PRKN: variants seen among roughly 807,000 people sequenced by gnomAD.
PRKN encodes parkin RBR E3 ubiquitin protein ligase.
PRKN carries 56 observed loss-of-function variants against 59.5 expected under a neutral mutation model. The observed-to-expected ratio is 0.94, with a 90% CI of 0.76 to 1.18. The LOEUF (loss-of-function observed/expected upper bound fraction) is 1.18, where lower values mean the gene tolerates loss of function less well. Ranked by LOEUF, PRKN falls within the 50% of genes most tolerant of loss-of-function variation. The pLI, the probability that PRKN is intolerant of heterozygous loss-of-function variation, is 0.00. For missense variants in PRKN, 657 were observed against 596.4 expected, an observed-to-expected ratio of 1.10 and a Z score of -1.06; for synonymous variants, 250 against 222.1, an observed-to-expected ratio of 1.13 and a Z score of -1.12.
At chr6:161,777,685 T>A (rs9458370) in intron 7 of PRKN, among the ~76,000 whole-genome samples, 62 of 115,912 alleles carry the variant, frequency 5.3e-4, no homozygotes, top group Middle Eastern at 5.0e-3. Flanking sequence ...ATATATATAA[T>A]ATATATATAC....
intron 6 of PRKN, among the ~76,000 whole-genome samples, chr6:161,966,998 A>T (rs1780607530): frequency 6.6e-6 from 1 of 152,044 alleles, no homozygotes; most frequent in African/African-American, 2.4e-5. Context: ...CTCCCAGCTA[A>T]TTTTTGTATT....
chr6:162,450,334 TGTG>T (rs1790538667), intron 1 of PRKN, among the ~76,000 whole-genome samples: 2 of 95,214 alleles, frequency 2.1e-5, no homozygotes, highest in Non-Finnish European at 5.2e-5. Flanking sequence ...TAAACGCCCC[TGTG>T]ATTGTAATCC....
At chr6:162,629,596 A>T (rs1193753927) in intron 1 of PRKN, among the ~76,000 whole-genome samples, 1 of 152,200 alleles carries the variant, frequency 6.6e-6, no homozygotes, top group African/African-American at 2.4e-5. Flanking sequence ...CAAAATATTG[A>T]ATAATTTTCT....
intron 2 of PRKN, among the ~76,000 whole-genome samples, chr6:162,387,700 A>G (rs1051385428): frequency 6.6e-6 from 1 of 152,184 alleles, no homozygotes. Context: ...AGTGGAATCA[A>G]CAGAGCATTT....
chr6:162,011,387 TAATA>T (rs1158110709), intron 5 of PRKN, among the ~76,000 whole-genome samples: 315 of 14,586 alleles, frequency 0.022, 71 homozygotes, highest in Non-Finnish European at 0.026. Context: ...TATATATTTA[TAATA>T]TATATTATAA....
chr6:161,718,328 A>G lies in PRKN; in HGVS notation c.871+67444T>C, dbSNP rs1262861919. On this transcript the variant is annotated intron_variant, in intron 7 of 11. Transcript: ENST00000366898. The stretch of plus-strand genomic sequence containing the variant: ...CTGCAGGAAGACTGAGATGGGCACT[A>G]AACATCATTCGCCTAATAATTCCCA... Among the ~76,000 whole-genome samples, 3 of 152,058 alleles carry G rather than the reference A, an allele frequency of 2.0e-5. 1 individual carries two copies. In the East Asian group the frequency reaches 5.8e-4, roughly 29 times the overall value.
chr6:161,529,349 T>C lies in PRKN; in HGVS notation c.1083+19505A>G, dbSNP rs1464884723. On this transcript the variant is annotated intron_variant, in intron 9 of 11. Coordinates refer to ENST00000366898, the MANE Select transcript of PRKN (RefSeq NM_004562.3). The surrounding 1 kb of genome is among the most constrained non-coding windows in gnomAD (Gnocchi z 4.4). Reference sequence around the variant, plus strand: ...ACCTGGGGCCGCAGTAAGCACCAAGTTCACAGGCTTAGTGAGGCGAGTCAC... The same window carrying C: ...ACCTGGGGCCGCAGTAAGCACCAAGCTCACAGGCTTAGTGAGGCGAGTCAC... 6.6e-6 allele frequency among the ~76,000 whole-genome samples: 1 copy of C among 152,162 alleles called. No individual in the cohort carries two copies. The highest frequency in any genetic ancestry group is 1.5e-5 in the Non-Finnish European group (1 of 68,016).
rs1055065720 is a variant in PRKN at position 162,332,175 on chromosome 6, T to C, written c.172-69410A>G. Among the ~76,000 whole-genome samples the C allele has an allele frequency of 4.6e-5, 7 of 152,176 alleles. No individual in the cohort carries two copies. The South Asian group carries it at 1.4e-3, about 32-fold the overall frequency. On this transcript the variant is annotated intron_variant, in intron 2 of 11. Transcript: ENST00000366898. ...AAAACGAAGTCATTTCTCCAAAATT[T>C]CACATACAAGATTTCACATACAATT...
intron 4 of PRKN, among the ~76,000 whole-genome samples, chr6:162,081,435 T>C (rs897505329): frequency 1.4e-4 from 21 of 152,128 alleles, no homozygotes; most frequent in African/African-American, 4.8e-4. Context: ...CTACATTCAC[T>C]TCCCTATACA....
chr6:162,579,054 T>C (rs945511680), intron 1 of PRKN, among the ~76,000 whole-genome samples: 4 of 152,140 alleles, frequency 2.6e-5, no homozygotes, highest in African/African-American at 9.7e-5. Context: ...AACCAATTTT[T>C]CCTATCTTTT....
At chr6:161,411,330 G>C (rs1377108704) in intron 9 of PRKN, among the ~76,000 whole-genome samples, 2 of 152,172 alleles carry the variant, frequency 1.3e-5, no homozygotes, top group Non-Finnish European at 2.9e-5. Context: ...TTTATAAAGG[G>C]GAGGTCCCCT....
At chr6:161,689,772 G>A (rs575937720) in intron 7 of PRKN, among the ~76,000 whole-genome samples, 7 of 152,092 alleles carry the variant, frequency 4.6e-5, no homozygotes, top group South Asian at 2.1e-4. Context: ...GTACAGTGGC[G>A]CGATCTTGGC....
At chr6:161,917,718 C>G (rs1166711850) in intron 6 of PRKN, among the ~76,000 whole-genome samples, 1 of 152,100 alleles carries the variant, frequency 6.6e-6, no homozygotes, top group Non-Finnish European at 1.5e-5. Context: ...AAATACTAAG[C>G]AATATTCAGA....
intron 4 of PRKN, among the ~76,000 whole-genome samples, chr6:162,126,832 G>C (rs767512206): frequency 1.3e-5 from 2 of 151,874 alleles, no homozygotes; most frequent in Non-Finnish European, 2.9e-5. Flanking sequence ...TTGTTTGTTT[G>C]CTTTTCCCTA....
At chr6:162,658,658 C>CAAAAAAAAAAAAAG (rs1778752240) in intron 1 of PRKN, among the ~76,000 whole-genome samples, 1 of 109,112 alleles carries the variant, frequency 9.2e-6, no homozygotes, top group East Asian at 2.8e-4. Flanking sequence ...GAGACTCTGT[C>CAAAAAAAAAAAAAG]AAAAAAAAAA....
chr6:161,612,718 CAA>C (rs57084261), intron 7 of PRKN, among the ~76,000 whole-genome samples: 681 of 59,582 alleles, frequency 0.011, 4 homozygotes, highest in African/African-American at 0.043. Context: ...GACTCCATCT[CAA>C]AAAAAAAAAA....
At chr6:162,645,274 A>G (rs1472383704) in intron 1 of PRKN, among the ~76,000 whole-genome samples, 1 of 152,182 alleles carries the variant, frequency 6.6e-6, no homozygotes, top group Non-Finnish European at 1.5e-5. Flanking sequence ...GAAAAGAAAT[A>G]TTGTAACTAT....
rs559944577 is a variant in PRKN, at chr6:161,949,390, A to C, written c.734+23912T>G. Among the ~76,000 whole-genome samples the C allele has an allele frequency of 2.6e-5, 4 of 152,272 alleles. No homozygotes were observed. The East Asian group carries it at 7.8e-4, about 30-fold the overall frequency. On this transcript the variant is annotated intron_variant, in intron 6 of 11. Coordinates refer to ENST00000366898, the MANE Select transcript of PRKN (RefSeq NM_004562.3). ...GCCGGGCATTGTGGCAGGCGCCTGT[A>C]GTCCCAGCTACTCGGGAGGCTGTGG...
At chr6:162,285,733 G>C (rs1781158643) in intron 2 of PRKN, among the ~76,000 whole-genome samples, 1 of 152,074 alleles carries the variant, frequency 6.6e-6, no homozygotes, top group Admixed American at 6.6e-5. Flanking sequence ...GACACCAGAT[G>C]ACCTGATTTC....
Sources: allele counts gnomAD v4.1 joint callset (sites outside exome capture counted in the v4.1 genomes callset), GRCh38; gene constraint gnomAD v4.1.1; non-coding constraint Gnocchi (gnomAD v3.1); transcripts MANE v1.5; gene names NCBI Gene and HGNC (gene_info 2026-07-23, HGNC 2026-07-21).